CSRP2: variants seen among roughly 807,000 people sequenced by gnomAD.
CSRP2 encodes the protein cysteine and glycine-rich protein 2.
A neutral mutation model predicts 24.6 loss-of-function variants in CSRP2; 18 were observed. That is an observed-to-expected ratio of 0.73 (90% confidence interval 0.51 to 1.09). The LOEUF (loss-of-function observed/expected upper bound fraction) is 1.09. Ranked by LOEUF, CSRP2 falls within the 50% of genes least tolerant of loss-of-function variation. The pLI, the probability that CSRP2 is intolerant of heterozygous loss-of-function variation, is 0.00. For synonymous variants in CSRP2, 87 were observed against 84.3 expected, an observed-to-expected ratio of 1.03 and a Z score of -0.18; for missense variants, 215 against 239.4, an observed-to-expected ratio of 0.90 and a Z score of 0.67.
chr12:76,859,482 A>T, intron 5 of CSRP2, 65 bp downstream of exon 5: 1 of 1,067,554 alleles, frequency 9.4e-7, no homozygotes, highest in Non-Finnish European at 1.4e-6. Flanking sequence ...TGCCAGTGAC[A>T]TTTCATTAAA....
At chr12:76,861,361 TA>T (rs1953675511) in intron 3 of CSRP2, 3 of 91,466 alleles carry the variant, frequency 3.3e-5, no homozygotes, top group African/African-American at 7.4e-5. Flanking sequence ...TATATATATA[TA>T]TATATTTTTT....
chr12:76,860,437 G>A (rs1450462070), intron 3 of CSRP2, 24 bp from the exon 4 acceptor site: 1 of 1,598,632 alleles, frequency 6.3e-7, no homozygotes, highest in African/African-American at 1.3e-5. Context: ...GAAAAAAAAA[G>A]TAGGCAAGAG....
chr12:76,873,824 A>T (rs991942425), intron 1 of CSRP2, among the ~76,000 whole-genome samples: 3 of 152,134 alleles, frequency 2.0e-5, no homozygotes, highest in African/African-American at 7.2e-5. Context: ...CATCAAGGCA[A>T]CTGCCTTACC....
chr12:76,860,436 A>C lies in CSRP2; in HGVS notation c.282-23T>G, dbSNP rs200345176. ...ACACTTGTGAAAAGAGGAAAAAAAAAGTAGGCAAGAGTTTCCACAGGGCCC... is the reference window on the plus strand; with the variant it reads ...ACACTTGTGAAAAGAGGAAAAAAAACGTAGGCAAGAGTTTCCACAGGGCCC... On this transcript the variant is annotated intron_variant, in intron 3 of 5. Coordinates refer to ENST00000311083, the MANE Select transcript of CSRP2 (RefSeq NM_001321.3). 5.4e-6 allele frequency: 8 copies of C among 1,489,938 alleles called. No homozygotes were observed. In the East Asian group the frequency reaches 1.9e-4, roughly 35 times the overall value. 92.3% of individuals were successfully genotyped at this position (1,489,938 alleles called of 1,614,324 possible).
intron 1 of CSRP2, among the ~76,000 whole-genome samples, chr12:76,876,573 C>T (rs1372989946): frequency 6.6e-6 from 1 of 152,100 alleles, no homozygotes; most frequent in Non-Finnish European, 1.5e-5. Flanking sequence ...GGTCTGGAGG[C>T]CTCACAGGAG....
rs534168335 is a variant in CSRP2 at position 76,874,159 on chromosome 12, C to T, written c.-2+4779G>A. Among the ~76,000 whole-genome samples the T allele has an allele frequency of 7.6e-4, 115 of 152,312 alleles. 2 individuals carry two copies. Among genetic ancestry groups the T allele is most frequent in the South Asian group, 7.2e-3 (35 of 4,828 alleles). On this transcript the variant is annotated intron_variant, in intron 1 of 5. Coordinates refer to ENST00000311083, the MANE Select transcript of CSRP2 (RefSeq NM_001321.3). ...TTTCACAGGCATGACAAAACAGTTTCATCTTGCAGATCCACTGAGAGTGGA... is the reference window on the plus strand; with the variant it reads ...TTTCACAGGCATGACAAAACAGTTTTATCTTGCAGATCCACTGAGAGTGGA...
intron 1 of CSRP2, among the ~76,000 whole-genome samples, chr12:76,877,229 CCTCTA>C (rs1008434676): frequency 5.3e-5 from 8 of 152,270 alleles, no homozygotes; most frequent in African/African-American, 1.7e-4. Context: ...TTATTGCTGT[CCTCTA>C]CTCTACACCA....
chr12:76,862,780 G>T (rs1315747071), intron 3 of CSRP2: 2 of 1,398,546 alleles, frequency 1.4e-6, no homozygotes, highest in South Asian at 3.3e-5. Context: ...CATAGAAGGA[G>T]TGACTTAGGA....
chr12:76,866,185 C>T lies in CSRP2; in HGVS notation c.76G>A (p.Asp26Asn), dbSNP rs756063873. ...TVYHAEEVQC[D>N]GRSFHRCCFL... ...CAGCAGCGGTGGAAGCTCCTGCCAT[C>T]ACACTGCACCTCTTCTGCGTGGTAC... Residue 26 changes from aspartate to asparagine, a missense_variant, in exon 2 of 6, where the codon GAT (aspartate) becomes AAT (asparagine). Transcript: ENST00000311083. 6.2e-7 allele frequency: 1 copy of T among 1,614,152 alleles called. No homozygotes were observed. The highest frequency in any genetic ancestry group is 1.3e-5 in the African/African-American group (1 of 75,030).
intron 1 of CSRP2, among the ~76,000 whole-genome samples, chr12:76,876,455 A>T (rs1953852172): frequency 6.6e-6 from 1 of 152,206 alleles, no homozygotes; most frequent in African/African-American, 2.4e-5. Context: ...CAGACTGAGA[A>T]ATATTCCCTT....
intron 1 of CSRP2, among the ~76,000 whole-genome samples, chr12:76,877,401 A>T (rs1229576522): frequency 1.3e-5 from 2 of 152,264 alleles, no homozygotes; most frequent in Admixed American, 1.3e-4. Context: ...GGAGAAATGC[A>T]TTAAAAATTT....
intron 1 of CSRP2, among the ~76,000 whole-genome samples, chr12:76,871,542 G>A (rs945820607): frequency 4.6e-5 from 7 of 152,122 alleles, no homozygotes; most frequent in Admixed American, 6.5e-5. Flanking sequence ...AGGCCAAGGC[G>A]GGCAGATCAC....
At chr12:76,878,155 A>G (rs1300310724) in intron 1 of CSRP2, 1 of 152,134 alleles carries the variant, frequency 6.6e-6, no homozygotes, top group East Asian at 1.9e-4. Flanking sequence ...CCCCGCCCCC[A>G]GGGGGTGCCT....
At chr12:76,872,290 TAGTCTA>T (rs915418502) in intron 1 of CSRP2, among the ~76,000 whole-genome samples, 3 of 152,196 alleles carry the variant, frequency 2.0e-5, no homozygotes, top group African/African-American at 4.8e-5. Flanking sequence ...AAAACTGATA[TAGTCTA>T]AGTCTGAGTC....
intron 2 of CSRP2, chr12:76,864,347 G>A (rs941394750): frequency 7.2e-5 from 11 of 151,968 alleles, no homozygotes; most frequent in African/African-American, 1.7e-4. Flanking sequence ...GTAGGGTGTC[G>A]GGAAGGAAGT....
At chr12:76,860,479 AG>A (rs1168484725) in intron 3 of CSRP2, 66 bp from the exon 4 acceptor site, 2 of 1,572,644 alleles carry the variant, frequency 1.3e-6, no homozygotes, top group Non-Finnish European at 1.7e-6. Context: ...TACACAAGGC[AG>A]GAACAATAGA....
chr12:76,878,569 G>C (rs1291351522), intron 1 of CSRP2, among the ~76,000 whole-genome samples: 1 of 152,220 alleles, frequency 6.6e-6, no homozygotes, highest in African/African-American at 2.4e-5. Context: ...GGGGACCGAC[G>C]GCTGCTAAGA....
chr12:76,868,258 CA>C (rs1293036711), intron 1 of CSRP2, among the ~76,000 whole-genome samples: 1 of 152,144 alleles, frequency 6.6e-6, no homozygotes, highest in East Asian at 1.9e-4. Flanking sequence ...TTAAAAATAA[CA>C]GTCCTTTACT....
intron 5 of CSRP2, 91 bp downstream of exon 5, chr12:76,859,456 C>CTTT: frequency 9.3e-5 from 62 of 666,876 alleles, no homozygotes; most frequent in South Asian, 2.1e-4. Context: ...GCATACTTTT[C>CTTT]TTTTTTTTTT....
Sources: allele counts gnomAD v4.1 joint callset (sites outside exome capture counted in the v4.1 genomes callset), GRCh38; gene constraint gnomAD v4.1.1; transcripts MANE v1.5; gene names NCBI Gene and HGNC (gene_info 2026-07-23, HGNC 2026-07-21).